Variants in CCAR2 observed in about 807,000 individuals in gnomAD.
CCAR2 encodes cell cycle and apoptosis regulator protein 2.
Under a neutral mutation model 108.1 loss-of-function variants are expected in CCAR2, and 21 were observed. The observed-to-expected ratio is 0.19, with a 90% CI of 0.14 to 0.28. The LOEUF (loss-of-function observed/expected upper bound fraction) is 0.28. Among genes scored for constraint, CCAR2 ranks in the 10% least tolerant of loss-of-function variants. The pLI, the probability that CCAR2 is intolerant of heterozygous loss-of-function variation, is 1.00. For missense variants in CCAR2, 1,126 were observed against 1,177.0 expected, an observed-to-expected ratio of 0.96 and a Z score of 0.63; for synonymous variants, 577 against 472.8, an observed-to-expected ratio of 1.22 and a Z score of -2.86.
At chr8:22,607,170 T>C in intron 5 of CCAR2, 26 bp from the exon 6 acceptor site, 1 of 1,612,486 alleles carries the variant, frequency 6.2e-7, no homozygotes, top group Non-Finnish European at 8.5e-7. Context: ...TGGGGTCCCC[T>C]GAATTTCCTG....
chr8:22,615,850 G>A lies in CCAR2; in HGVS notation c.1546G>A (p.Val516Ile), dbSNP rs200635898. The part of the protein sequence containing the change: ...EPAVIARPGC[V>I]NLSLHGIVED... ...TGCTGTCATCGCACGCCCTGGCTGT[G>A]TAAACCTGTCCCTCCATGGGATTGT... is the stretch of plus-strand genomic sequence containing the variant. Residue 516 changes from valine to isoleucine, a missense_variant, in exon 13 of 21, where the codon GTA (valine) becomes ATA (isoleucine). By Grantham distance (29) the Val-to-Ile change is conservative. Transcript: ENST00000308511. The A allele has an allele frequency of 6.2e-7, 1 of 1,614,050 alleles. No homozygotes were observed. Among genetic ancestry groups the A allele is most frequent in the Non-Finnish European group, 8.5e-7 (1 of 1,180,042 alleles).
At chr8:22,606,033 G>C (rs1801065167) in intron 2 of CCAR2, 52 bp from the exon 3 acceptor site, 2 of 1,513,512 alleles carry the variant, frequency 1.3e-6, no homozygotes, top group Non-Finnish European at 1.8e-6. Context: ...TGGTTGACTC[G>C]TGCTTAAGGT....
chr8:22,612,523 C>T (rs1418532365), intron 7 of CCAR2, among the ~76,000 whole-genome samples: 3 of 152,192 alleles, frequency 2.0e-5, no homozygotes, highest in Admixed American at 6.5e-5. Context: ...GCCTTGGCCT[C>T]CCAAAGTGCT....
chr8:22,610,078 G>T (rs1298139102), intron 7 of CCAR2, among the ~76,000 whole-genome samples: 1 of 152,098 alleles, frequency 6.6e-6, no homozygotes, highest in Non-Finnish European at 1.5e-5. Context: ...CCAAACCCAG[G>T]ATGCTTCTGG....
At chr8:22,615,235 G>C in intron 11 of CCAR2, 190 bp from the exon 12 acceptor site, 3 of 853,530 alleles carry the variant, frequency 3.5e-6, no homozygotes, top group Non-Finnish European at 5.3e-6. Flanking sequence ...TGCTTGTGTG[G>C]TTGCGGCCTC....
Position 22,620,436 on chromosome 8 carries a change from G to GGCTT in CCAR2, c.*756_*759dup, listed in dbSNP as rs775687799. 3 of 32,116 alleles carry GGCTT rather than the reference G, an allele frequency of 9.3e-5. No homozygotes were observed. The highest frequency in any genetic ancestry group is 1.5e-4 in the Non-Finnish European group (2 of 13,170). The allele number at this position is 32,116 out of a possible 1,614,324, so 2.0% of individuals were successfully genotyped here. ...GTTGGGGTTTTTTTTTTTTTTTTTT[G>GGCTT]GCTTGTTTTTTAAATAAACCAAAGT... On this transcript the variant is annotated 3_prime_UTR_variant, in exon 21 of 21. Coordinates refer to ENST00000308511, the MANE Select transcript of CCAR2 (RefSeq NM_001393997.1).
intron 5 of CCAR2, 59 bp from the exon 6 acceptor site, chr8:22,607,137 C>G: frequency 6.2e-7 from 1 of 1,610,088 alleles, no homozygotes; most frequent in Non-Finnish European, 8.5e-7. Flanking sequence ...TGCATCTTTC[C>G]AAGGTAGTGA....
Position 22,620,161 on chromosome 8 carries a change from T to TG in CCAR2, c.*484dup. 1 of 161,030 alleles carries TG rather than the reference T, an allele frequency of 6.2e-6. No homozygotes were observed. Among genetic ancestry groups the TG allele is most frequent in the African/African-American group, 2.4e-5 (1 of 41,750 alleles). The allele number at this position is 161,030 out of a possible 1,614,324, so 10.0% of individuals were successfully genotyped here. ...CTGCTAGGTTCCGGACACAGGCTTC[T>TG]GGGGGAAGGGTCTCCCTTGGCCATC... On this transcript the variant is annotated 3_prime_UTR_variant, in exon 21 of 21. Transcript: ENST00000308511.
chr8:22,615,359 C>T (rs916969235), intron 11 of CCAR2, 66 bp from the exon 12 acceptor site: 12 of 1,551,910 alleles, frequency 7.7e-6, no homozygotes, highest in East Asian at 4.5e-5. Context: ...AAGCCCTTGC[C>T]TGTGAACGTG....
Position 22,613,145 on chromosome 8 carries a change from C to T in CCAR2, c.704+9C>T, listed in dbSNP as rs199873433. On this transcript the variant is annotated intron_variant, in intron 8 of 20. Coordinates refer to ENST00000308511, the MANE Select transcript of CCAR2 (RefSeq NM_001393997.1). Reference sequence around the variant, plus strand: ...CCTTACACTGTGGACAGGTGAGTGGCGAGGCTGAGGTGGGCTGAGTCTTGC... The same window carrying T: ...CCTTACACTGTGGACAGGTGAGTGGTGAGGCTGAGGTGGGCTGAGTCTTGC... 21 of 1,571,992 alleles carry T rather than the reference C, an allele frequency of 1.3e-5. No individual in the cohort carries two copies. The highest frequency in any genetic ancestry group is 4.6e-5 in the East Asian group (2 of 43,598).
chr8:22,605,136 G>A (rs1801016720), intron 1 of CCAR2: 1 of 208,374 alleles, frequency 4.8e-6, no homozygotes, highest in African/African-American at 2.4e-5. Context: ...CGTGGGAGCA[G>A]GAGGGTGGCG....
At position 22,615,477 on chromosome 8, in the gene CCAR2, C is replaced by G; in HGVS notation, c.1258C>G (p.Gln420Glu). Residue 420 changes from glutamine to glutamate, a missense_variant, in exon 12 of 21, where the codon CAG (glutamine) becomes GAG (glutamate). Transcript: ENST00000308511. ...YLQPGPPRRL[Q>E]TVVVYLPDVW... ...GCAGCCGGGACCCCCCCGGCGGCTTCAGACAGTGGTGGTGTACCTGCCGGA... is the reference window on the plus strand; with the variant it reads ...GCAGCCGGGACCCCCCCGGCGGCTTGAGACAGTGGTGGTGTACCTGCCGGA... The G allele has an allele frequency of 6.2e-7, 1 of 1,613,970 alleles. No individual in the cohort carries two copies. The highest frequency in any genetic ancestry group is 8.5e-7 in the Non-Finnish European group (1 of 1,180,014).
chr8:22,620,171 G>T lies in CCAR2; in HGVS notation c.*489G>T, dbSNP rs151290364. 166 of 160,582 alleles carry T rather than the reference G, an allele frequency of 1.0e-3. 1 individual carries two copies. The highest frequency in any genetic ancestry group is 6.6e-3 in the Middle Eastern group (2 of 304). 9.9% of individuals were successfully genotyped at this position (160,582 alleles called of 1,614,324 possible). On this transcript the variant is annotated 3_prime_UTR_variant, in exon 21 of 21. Transcript: ENST00000308511. ...CCGGACACAGGCTTCTGGGGGAAGG[G>T]TCTCCCTTGGCCATCACGGGAATGG... is the stretch of plus-strand genomic sequence containing the variant.
At chr8:22,619,486 G>A in intron 20 of CCAR2, 131 bp downstream of exon 20, 1 of 1,404,716 alleles carries the variant, frequency 7.1e-7, no homozygotes, top group Non-Finnish European at 9.8e-7. Flanking sequence ...TCCATCGCTT[G>A]CCAGGCAGTG....
chr8:22,608,063 A>C lies in CCAR2; in HGVS notation c.582A>C (p.Arg194=), dbSNP rs769022171. Residue 194 remains arginine (R), a splice_region_variant and synonymous_variant, in exon 7 of 21, where the codon CGA becomes CGC. Transcript: ENST00000308511. ...CTCATGGACGGTTGGATCAGGGCCG[A>C]AGGTAAGAGGATGATGTCCCTTTTT... ...RGPHGRLDQG[R]SDDYDSKKRK... 3 of 1,612,222 alleles carry C rather than the reference A, an allele frequency of 1.9e-6. No homozygotes were observed. The African/African-American group carries it at 4.0e-5, about 22-fold the overall frequency.
chr8:22,607,947 A>G (rs202181071), intron 6 of CCAR2, 22 bp from the exon 7 acceptor site: 4 of 1,610,822 alleles, frequency 2.5e-6, no homozygotes, highest in Non-Finnish European at 3.4e-6. Flanking sequence ...TTTTTGAGTC[A>G]CCAGTCATTT....
At chr8:22,611,388 A>ATGTGTGTGTGTGTGTGTGTGTG (rs145362940) in intron 7 of CCAR2, among the ~76,000 whole-genome samples, 106 of 128,488 alleles carry the variant, frequency 8.2e-4, no homozygotes, top group African/African-American at 3.1e-3. Flanking sequence ...AAGTATATAT[A>ATGTGTGTGTGTGTGTGTGTGTG]TGTGTGTGTG....
intron 7 of CCAR2, among the ~76,000 whole-genome samples, chr8:22,611,422 G>A (rs1235576319): frequency 1.2e-4 from 17 of 141,980 alleles, no homozygotes; most frequent in Middle Eastern, 3.2e-3. Flanking sequence ...GTGTATATAT[G>A]TGTGTATATA....
intron 6 of CCAR2, 113 bp from the exon 7 acceptor site, chr8:22,607,856 C>A: frequency 1.3e-6 from 1 of 771,728 alleles, no homozygotes; most frequent in Non-Finnish European, 2.2e-6. Context: ...GAACTCCTGA[C>A]CTCAAGTGAT....
Sources: gnomAD v4.1 joint callset for allele counts (sites outside exome capture counted in the v4.1 genomes callset) on GRCh38, gnomAD v4.1.1 for gene constraint, MANE v1.5 for transcripts, NCBI Gene and HGNC (gene_info 2026-07-23, HGNC 2026-07-21) for gene names.